CFAP54: variants seen among roughly 807,000 people sequenced by gnomAD.
CFAP54 encodes cilia and flagella associated protein 54.
CFAP54 carries 290 observed loss-of-function variants against 370.4 expected under a neutral mutation model. The observed-to-expected ratio is 0.78, with a 90% confidence interval of 0.71 to 0.86. CFAP54 has a LOEUF of 0.86. Among genes scored for constraint, CFAP54 ranks in the 40% least tolerant of loss-of-function variants. The probability of loss-of-function intolerance (pLI) is 0.00; values close to 1 mark genes in which losing one functional copy is unlikely to be tolerated. For synonymous variants in CFAP54, 1,206 were observed against 1,236.5 expected, an observed-to-expected ratio of 0.98 and a Z score of 0.52; for missense variants, 3,399 against 3,528.7, an observed-to-expected ratio of 0.96 and a Z score of 0.93.
chr12:96,818,911 G>T (rs139019891), intron 65 of CFAP54, among the ~76,000 whole-genome samples: 1 of 152,108 alleles, frequency 6.6e-6, no homozygotes, highest in Non-Finnish European at 1.5e-5. Context: ...AAATGAGAAG[G>T]GTAGGGAATA....
intron 47 of CFAP54, among the ~76,000 whole-genome samples, chr12:96,706,897 A>G (rs1282001553): frequency 6.6e-6 from 1 of 152,102 alleles, no homozygotes; most frequent in Non-Finnish European, 1.5e-5. Context: ...GGAGGAATTG[A>G]GTCAGAAGTT....
In CFAP54 at chr12:96,692,549, T is replaced by C. The variant is rs143129017; in HGVS notation, c.6265-1173T>C. On this transcript the variant is annotated intron_variant, in intron 44 of 67. Transcript: ENST00000524981. ...ATCGCCAACTTTTAATGTTTTGTGC[T>C]GCATTAATTGTGGAAAAAGGTATCG... 2.0e-5 allele frequency among the ~76,000 whole-genome samples: 3 copies of C among 152,360 alleles called. No individual in the cohort carries two copies. The East Asian group carries it at 5.8e-4, about 29-fold the overall frequency.
At chr12:96,868,143 T>C (rs905848847) in intron 67 of CFAP54, among the ~76,000 whole-genome samples, 7 of 152,182 alleles carry the variant, frequency 4.6e-5, no homozygotes, top group Non-Finnish European at 8.8e-5. Context: ...TCCTCCCTGG[T>C]GTCTCCATGT....
At position 96,541,032 on chromosome 12, in the gene CFAP54, A is replaced by T. The variant is rs13313221; in HGVS notation, c.2077+45A>T. 7.0e-3 allele frequency: 8,934 copies of T among 1,274,884 alleles called. 48 individuals are homozygous for T. The highest frequency in any genetic ancestry group is 0.016 in the African/African-American group (1,040 of 65,694). 79.0% of individuals were successfully genotyped at this position (1,274,884 alleles called of 1,614,324 possible). ...ATTGTATACATATATAAATACAAAT[A>T]TATAGGTATGATATCAAATGCAGGA... is the stretch of plus-strand genomic sequence containing the variant. On this transcript the variant is annotated intron_variant, in intron 14 of 67. Coordinates refer to ENST00000524981, the MANE Select transcript of CFAP54 (RefSeq NM_001306084.2).
chr12:96,528,669 C>T (rs952003044), intron 9 of CFAP54, among the ~76,000 whole-genome samples: 1 of 152,102 alleles, frequency 6.6e-6, no homozygotes, highest in Non-Finnish European at 1.5e-5. Context: ...AGTTTGCTTT[C>T]TCTCTTATTT....
chr12:96,766,321 T>C (rs1465584694), intron 60 of CFAP54, among the ~76,000 whole-genome samples: 1 of 152,180 alleles, frequency 6.6e-6, no homozygotes, highest in Non-Finnish European at 1.5e-5. Context: ...TTTTGCTTTA[T>C]TGGCTTTCTG....
At chr12:96,775,828 A>T (rs1222990400) in intron 60 of CFAP54, among the ~76,000 whole-genome samples, 2 of 152,136 alleles carry the variant, frequency 1.3e-5, no homozygotes, top group South Asian at 2.1e-4. Flanking sequence ...TGAGATCACA[A>T]ATATTGCTTT....
chr12:96,710,118 T>A (rs115950788), intron 48 of CFAP54, among the ~76,000 whole-genome samples: 2,442 of 152,290 alleles, frequency 0.016, 66 homozygotes, highest in African/African-American at 0.056. Context: ...TCTTGTAGTG[T>A]CTTTGTCTAG....
At chr12:96,640,025 A>T (rs1294235588) in intron 32 of CFAP54, among the ~76,000 whole-genome samples, 1 of 152,268 alleles carries the variant, frequency 6.6e-6, no homozygotes, top group Admixed American at 6.5e-5. Context: ...GCACAAGACA[A>T]GGATGCCCTC....
chr12:96,676,054 T>C (rs1033920758), intron 39 of CFAP54, among the ~76,000 whole-genome samples: 3 of 152,120 alleles, frequency 2.0e-5, no homozygotes, highest in African/African-American at 4.8e-5. Flanking sequence ...AACCTGCATG[T>C]TGTACACGTG....
At chr12:96,626,746 T>C in intron 29 of CFAP54, 67 bp from the exon 30 acceptor site, 1 of 940,570 alleles carries the variant, frequency 1.1e-6, no homozygotes, top group Non-Finnish European at 1.4e-6. Context: ...CTGCTAGCAC[T>C]GGCAACCCTT....
Position 96,623,812 on chromosome 12 carries a change from C to A in CFAP54, c.3817C>A (p.Leu1273Ile). ...SLKTKKPQQI[L>I]LPEKINEQLA... ...AAAGACTAAGAAGCCACAGCAGATA[C>A]TACTGCCTGAAAAGATAAATGAACA... Residue 1273 changes from leucine to isoleucine, a missense_variant, in exon 28 of 68, where the codon CTA becomes ATA. Leu to Ile is a conservative substitution (Grantham distance 5). Transcript: ENST00000524981. 1 of 1,535,670 alleles carries A rather than the reference C, an allele frequency of 6.5e-7. No individual in the cohort carries two copies. Among genetic ancestry groups the A allele is most frequent in the Non-Finnish European group, 8.7e-7 (1 of 1,146,600 alleles).
At chr12:96,504,052 A>G (rs771302060) in intron 3 of CFAP54, 23 bp downstream of exon 3, 62 of 1,485,130 alleles carry the variant, frequency 4.2e-5, no homozygotes, top group Non-Finnish European at 5.2e-5. Context: ...AGCAGCTGAA[A>G]TAGCTACAAT....
At chr12:96,702,227 A>G (rs1460091713) in intron 46 of CFAP54, among the ~76,000 whole-genome samples, 1 of 14,334 alleles carries the variant, frequency 7.0e-5, no homozygotes, top group Non-Finnish European at 1.2e-4. Context: ...AGATAGGAGC[A>G]TGTTAAGTAT....
At chr12:96,762,869 C>T (rs1210299308) in intron 58 of CFAP54, among the ~76,000 whole-genome samples, 2 of 151,976 alleles carry the variant, frequency 1.3e-5, no homozygotes, top group Admixed American at 6.6e-5. Context: ...AGGCTTAATG[C>T]TAGAGCTAAG....
chr12:96,718,252 G>A (rs1285382527), intron 48 of CFAP54, among the ~76,000 whole-genome samples, 191 bp from the exon 49 acceptor site: 1 of 152,064 alleles, frequency 6.6e-6, no homozygotes, highest in Non-Finnish European at 1.5e-5. Flanking sequence ...CCAGCTACTC[G>A]GGAGGCTGAG....
At chr12:96,837,815 C>T (rs113449281) in intron 66 of CFAP54, among the ~76,000 whole-genome samples, 38 of 152,272 alleles carry the variant, frequency 2.5e-4, no homozygotes, top group African/African-American at 8.4e-4. Flanking sequence ...AAGTAAAAGC[C>T]AGAGTTCCTG....
chr12:96,842,148 A>G (rs1959224219), intron 66 of CFAP54, among the ~76,000 whole-genome samples: 1 of 152,198 alleles, frequency 6.6e-6, no homozygotes, highest in Non-Finnish European at 1.5e-5. Context: ...TTTAATATGT[A>G]TCTTTTTTTG....
chr12:96,788,199 G>C (rs763593578), intron 62 of CFAP54, among the ~76,000 whole-genome samples: 40 of 152,198 alleles, frequency 2.6e-4, no homozygotes, highest in Admixed American at 1.2e-3. Context: ...GGAAAGTGAA[G>C]AGGAAATGAC....
Sources: gnomAD v4.1 joint callset for allele counts (sites outside exome capture counted in the v4.1 genomes callset) on GRCh38, gnomAD v4.1.1 for gene constraint, MANE v1.5 for transcripts, NCBI Gene and HGNC (gene_info 2026-07-23, HGNC 2026-07-21) for gene names.